NEBL: variants seen among roughly 807,000 people sequenced by gnomAD.
NEBL encodes LIM and SH3 protein 2.
In NEBL, 122 loss-of-function variants were observed where a neutral mutation model predicts 140.2. The observed-to-expected ratio is 0.87, with a 90% CI of 0.75 to 1.01. The LOEUF is 1.01. Among genes scored for constraint, NEBL ranks in the 50% least tolerant of loss-of-function variants. NEBL has a pLI of 0.00. For missense variants in NEBL, 1,365 were observed against 1,231.3 expected (o/e 1.11, Z -1.62); for synonymous variants, 436 against 398.9 (o/e 1.09, Z -1.11).
chr10:20,995,605 G>A (rs941980470), intron 3 of NEBL, among the ~76,000 whole-genome samples: 9 of 152,236 alleles, frequency 5.9e-5, no homozygotes, highest in Middle Eastern at 6.8e-3. Flanking sequence ...GGAGGACGCT[G>A]GAGAAACGAA....
At chr10:20,808,949 A>C (rs905051712) in intron 25 of NEBL, among the ~76,000 whole-genome samples, 1 of 152,208 alleles carries the variant, frequency 6.6e-6, no homozygotes, top group Non-Finnish European at 1.5e-5. Flanking sequence ...AATTTTTGTT[A>C]ATTGTAATGC....
At chr10:20,825,406 C>T (rs1366952281) in intron 18 of NEBL, among the ~76,000 whole-genome samples, 1 of 152,112 alleles carries the variant, frequency 6.6e-6, no homozygotes, top group Non-Finnish European at 1.5e-5. Flanking sequence ...CCTGTAATCC[C>T]AGCACTTTGG....
At chr10:21,034,545 T>C (rs996020235) in intron 2 of NEBL, among the ~76,000 whole-genome samples, 3 of 152,166 alleles carry the variant, frequency 2.0e-5, no homozygotes, top group Non-Finnish European at 4.4e-5. Flanking sequence ...TATTTGACAA[T>C]TTGCAGATCA....
intron 20 of NEBL, chr10:20,818,909 A>G (rs1838996020): frequency 1.0e-6 from 1 of 977,972 alleles, no homozygotes; most frequent in Non-Finnish European, 1.2e-6. Context: ...AAATTTTTAG[A>G]TAGTTTTATT....
intron 1 of NEBL, among the ~76,000 whole-genome samples, chr10:21,258,917 G>A (rs1842699967): frequency 6.6e-6 from 1 of 152,026 alleles, no homozygotes; most frequent in South Asian, 2.1e-4. Context: ...AATGTTCTAG[G>A]TACTTTATGT....
chr10:21,110,352 G>T (rs1837938596), intron 2 of NEBL, among the ~76,000 whole-genome samples: 1 of 152,068 alleles, frequency 6.6e-6, no homozygotes, highest in Non-Finnish European at 1.5e-5. Context: ...ATAGGCCTAT[G>T]TCTTCTTAAG....
intron 2 of NEBL, among the ~76,000 whole-genome samples, chr10:20,891,840 G>C (rs867013593): frequency 6.6e-6 from 1 of 152,038 alleles, no homozygotes; most frequent in Non-Finnish European, 1.5e-5. Context: ...CAAGTGAATT[G>C]TGCAATATGA....
At chr10:21,151,681 C>T (rs1219128025) in intron 2 of NEBL, among the ~76,000 whole-genome samples, 1 of 152,064 alleles carries the variant, frequency 6.6e-6, no homozygotes, top group Non-Finnish European at 1.5e-5. Flanking sequence ...ACACAGGCTT[C>T]CTGCCTGGAT....
At chr10:21,203,781 G>C (rs1338478157) in intron 3 of NEBL, among the ~76,000 whole-genome samples, 1 of 152,050 alleles carries the variant, frequency 6.6e-6, no homozygotes, top group Admixed American at 6.6e-5. Context: ...TGCATTTGAC[G>C]ACCTTCCCAC....
In NEBL at chr10:21,204,649, GC is replaced by G. The variant is rs762680937; in HGVS notation, n.349-32173del. ...CAGGCTGTGGGATTCTGTTAAGGAA[GC>G]CCTAGCAGAGGAATACATCCTGTGA... On this transcript the variant is annotated intron_variant and non_coding_transcript_variant, in intron 3 of 8. Transcript: ENST00000675702. Among the ~76,000 whole-genome samples the G allele has an allele frequency of 1.0e-3, 154 of 152,304 alleles. 1 individual carries two copies. The highest frequency in any genetic ancestry group is 1.2e-3 in the Admixed American group (19 of 15,302).
chr10:21,181,470 G>A (rs1395811278), intron 3 of NEBL, among the ~76,000 whole-genome samples: 1 of 151,876 alleles, frequency 6.6e-6, no homozygotes, highest in Non-Finnish European at 1.5e-5. Flanking sequence ...TTCCCCATAT[G>A]CAGGAACCCA....
At chr10:20,874,806 C>T (rs1303356960) in intron 5 of NEBL, among the ~76,000 whole-genome samples, 1 of 152,150 alleles carries the variant, frequency 6.6e-6, no homozygotes, top group Non-Finnish European at 1.5e-5. Flanking sequence ...GTGGCATGAT[C>T]TCAGCTCACT....
intron 26 of NEBL, among the ~76,000 whole-genome samples, chr10:20,807,260 A>G (rs1048556126): frequency 1.3e-5 from 2 of 152,202 alleles, no homozygotes; most frequent in African/African-American, 4.8e-5. Flanking sequence ...CAGGAGGTGA[A>G]GGCTGCAGTG....
chr10:20,992,958 T>A (rs1439164836), intron 3 of NEBL, among the ~76,000 whole-genome samples: 1 of 151,200 alleles, frequency 6.6e-6, no homozygotes, highest in African/African-American at 2.4e-5. Flanking sequence ...TGTTTTTGTA[T>A]TTTTTTAGTA....
intron 24 of NEBL, among the ~76,000 whole-genome samples, chr10:20,811,405 G>A (rs1388819825): frequency 6.6e-6 from 1 of 152,116 alleles, no homozygotes; most frequent in Non-Finnish European, 1.5e-5. Context: ...CAGAACCCCT[G>A]CACTATCCCT....
In NEBL at chr10:21,235,904, T is replaced by C. The variant is rs552700926; in HGVS notation, n.348+12017A>G. On this transcript the variant is annotated intron_variant and non_coding_transcript_variant, in intron 3 of 8. Transcript: ENST00000675702. ...GCGATCATTCATGCTTCCTGAAACATAGGTCATCAGTCAAATCTCTGAGAA... is the reference window on the plus strand; with the variant it reads ...GCGATCATTCATGCTTCCTGAAACACAGGTCATCAGTCAAATCTCTGAGAA... 9.5e-4 allele frequency among the ~76,000 whole-genome samples: 145 copies of C among 152,280 alleles called. 4 individuals are homozygous for C. The South Asian group carries it at 0.029, about 30-fold the overall frequency.
chr10:21,213,827 T>C (rs1200615569), intron 3 of NEBL, among the ~76,000 whole-genome samples: 1 of 152,212 alleles, frequency 6.6e-6, no homozygotes, highest in Non-Finnish European at 1.5e-5. Flanking sequence ...CTACACATTA[T>C]ATACCTGCTC....
At chr10:20,971,855 C>T (rs541014221) in intron 3 of NEBL, among the ~76,000 whole-genome samples, 5 of 152,068 alleles carry the variant, frequency 3.3e-5, no homozygotes, top group Admixed American at 6.6e-5. Flanking sequence ...CCTCGTGATC[C>T]GCCTGCCTCG....
chr10:20,865,172 T>G (rs774538089), intron 7 of NEBL, among the ~76,000 whole-genome samples: 7 of 152,194 alleles, frequency 4.6e-5, no homozygotes, highest in Non-Finnish European at 1.0e-4. Context: ...TCACAGACAG[T>G]GTTCATATTC....
Sources: gnomAD v4.1 joint callset for allele counts (sites outside exome capture counted in the v4.1 genomes callset) on GRCh38, gnomAD v4.1.1 for gene constraint, MANE v1.5 for transcripts, NCBI Gene and HGNC (gene_info 2026-07-23, HGNC 2026-07-21) for gene names.